GRID2: variants seen among roughly 807,000 people sequenced by gnomAD.
GRID2 encodes the protein glutamate receptor ionotropic, delta-2.
In GRID2, 33 loss-of-function variants were observed where a neutral mutation model predicts 114.8. That is an observed-to-expected ratio of 0.29 (90% CI 0.22 to 0.38). The LOEUF (loss-of-function observed/expected upper bound fraction) is 0.38, where lower values mean the gene tolerates loss of function less well. Among genes scored for constraint, GRID2 ranks in the 10% least tolerant of loss-of-function variants. The pLI is 1.00. For synonymous variants in GRID2, 505 were observed against 449.9 expected (o/e 1.12, Z -1.55); for missense variants, 1,184 against 1,257.7 (o/e 0.94, Z 0.89).
chr4:92,675,394 A>G (rs758067578), intron 2 of GRID2, among the ~76,000 whole-genome samples: 3 of 152,134 alleles, frequency 2.0e-5, no homozygotes, highest in Non-Finnish European at 4.4e-5. Context: ...ATTTCTCTTC[A>G]GAATTTTGGA....
At chr4:93,287,901 T>C (rs1015690627) in intron 8 of GRID2, among the ~76,000 whole-genome samples, 1 of 152,192 alleles carries the variant, frequency 6.6e-6, no homozygotes, top group African/African-American at 2.4e-5. Context: ...AAGCTCATAA[T>C]GCGTTTTGAG....
At chr4:92,338,981 C>A (rs946645495) in intron 1 of GRID2, among the ~76,000 whole-genome samples, 1 of 151,894 alleles carries the variant, frequency 6.6e-6, no homozygotes, top group Non-Finnish European at 1.5e-5. Context: ...ATGAAAGGTA[C>A]AATATAAATC....
At chr4:93,065,422 C>G (rs771373962) in intron 2 of GRID2, among the ~76,000 whole-genome samples, 2 of 151,936 alleles carry the variant, frequency 1.3e-5, no homozygotes, top group Non-Finnish European at 2.9e-5. Flanking sequence ...ATTATTTTAG[C>G]TGATTCCTCT....
intron 2 of GRID2, among the ~76,000 whole-genome samples, chr4:92,810,562 T>C (rs1412407630): frequency 6.6e-6 from 1 of 152,094 alleles, no homozygotes; most frequent in African/African-American, 2.4e-5. Context: ...TGGTAGCCCA[T>C]AAATTATAAA....
chr4:93,156,260 G>A (rs1737176546), intron 4 of GRID2, among the ~76,000 whole-genome samples: 1 of 151,698 alleles, frequency 6.6e-6, no homozygotes, highest in Admixed American at 6.6e-5. Flanking sequence ...AAAATAGAGA[G>A]GACTTACTTG....
chr4:93,717,604 T>G (rs1729007911), intron 14 of GRID2, among the ~76,000 whole-genome samples: 1 of 152,172 alleles, frequency 6.6e-6, no homozygotes, highest in Non-Finnish European at 1.5e-5. Context: ...GATGTTTTCT[T>G]TTTTGTGTGT....
At chr4:93,143,250 C>G (rs1317012143) in intron 4 of GRID2, among the ~76,000 whole-genome samples, 1 of 152,168 alleles carries the variant, frequency 6.6e-6, no homozygotes, top group Non-Finnish European at 1.5e-5. Flanking sequence ...CTTAAGGACA[C>G]ACTACTTAGA....
intron 2 of GRID2, among the ~76,000 whole-genome samples, chr4:92,757,974 G>C (rs541955050): frequency 6.6e-6 from 1 of 152,028 alleles, no homozygotes; most frequent in African/African-American, 2.4e-5. Context: ...AGAACATGGG[G>C]GTGAGATGGG....
intron 3 of GRID2, among the ~76,000 whole-genome samples, chr4:93,088,481 T>A (rs1366641720): frequency 6.6e-6 from 1 of 152,138 alleles, no homozygotes; most frequent in African/African-American, 2.4e-5. Flanking sequence ...GGATTAAGTG[T>A]TATGAATGAT....
chr4:92,969,465 A>T (rs1753362790), intron 2 of GRID2, among the ~76,000 whole-genome samples: 1 of 151,516 alleles, frequency 6.6e-6, no homozygotes, highest in African/African-American at 2.4e-5. Context: ...TTATATAATG[A>T]GGGTCTTTGT....
intron 2 of GRID2, among the ~76,000 whole-genome samples, chr4:92,726,806 G>A (rs568249015): frequency 2.6e-5 from 4 of 152,090 alleles, no homozygotes; most frequent in African/African-American, 4.8e-5. Flanking sequence ...CGGCTCCAGC[G>A]AAATAATTTG....
chr4:92,339,525 A>G (rs756684976), intron 1 of GRID2, among the ~76,000 whole-genome samples: 7 of 150,506 alleles, frequency 4.7e-5, no homozygotes, highest in Non-Finnish European at 8.8e-5. Flanking sequence ...TTCATACATT[A>G]TTATGATCCT....
At chr4:93,198,926 G>A (rs1025329908) in intron 4 of GRID2, among the ~76,000 whole-genome samples, 13 of 151,998 alleles carry the variant, frequency 8.6e-5, no homozygotes, top group South Asian at 6.2e-4. Flanking sequence ...CATTTTAAGC[G>A]TTGATCAAAA....
At chr4:93,081,416 A>G (rs559931214) in intron 2 of GRID2, among the ~76,000 whole-genome samples, 119 of 152,340 alleles carry the variant, frequency 7.8e-4, no homozygotes, top group African/African-American at 2.5e-3. Context: ...GTACATGAAT[A>G]TATCTTAGCT....
chr4:93,473,040 T>A (rs1047240728), intron 11 of GRID2, among the ~76,000 whole-genome samples: 10 of 152,218 alleles, frequency 6.6e-5, no homozygotes, highest in Non-Finnish European at 1.2e-4. Context: ...TCATACTGCA[T>A]GTAATGCTAT....
chr4:93,182,702 A>G (rs575252998), intron 4 of GRID2, among the ~76,000 whole-genome samples: 1 of 152,234 alleles, frequency 6.6e-6, no homozygotes, highest in Admixed American at 6.5e-5. Flanking sequence ...AAACTTCAAG[A>G]TTCTACACCC....
intron 12 of GRID2, among the ~76,000 whole-genome samples, chr4:93,508,511 AACTACAAATACTTCT>A (rs1728867458): frequency 1.3e-5 from 2 of 152,048 alleles, no homozygotes; most frequent in Non-Finnish European, 2.9e-5. Flanking sequence ...TTGATTTTTT[AACTACAAATACTTCT>A]GGTCATGATT....
At chr4:92,459,597 C>CT (rs1186741759) in intron 1 of GRID2, among the ~76,000 whole-genome samples, 2 of 152,012 alleles carry the variant, frequency 1.3e-5, no homozygotes, top group Non-Finnish European at 2.9e-5. Context: ...TTTCTTTAAA[C>CT]TTTGAGTTTT....
At chr4:92,732,028 TA>T (rs1736352579) in intron 2 of GRID2, among the ~76,000 whole-genome samples, 1 of 151,920 alleles carries the variant, frequency 6.6e-6, no homozygotes, top group African/African-American at 2.4e-5. Context: ...AAAAATTATT[TA>T]AAAATGGGGA....
Sources: gnomAD v4.1 joint callset for allele counts (sites outside exome capture counted in the v4.1 genomes callset) on GRCh38, gnomAD v4.1.1 for gene constraint, MANE v1.5 for transcripts, NCBI Gene and HGNC (gene_info 2026-07-23, HGNC 2026-07-21) for gene names.